The following LRRIQ1 variants were observed in gnomAD, a reference collection of about 807,000 sequenced individuals.
The protein encoded by LRRIQ1 is leucine-rich repeat- and IQ domain-containing protein 1.
A neutral mutation model predicts 211.9 loss-of-function variants in LRRIQ1; 210 were observed. That is an observed-to-expected ratio of 0.99 (90% CI 0.89 to 1.11). The LOEUF is 1.11. Ranked by LOEUF, LRRIQ1 falls within the 50% of genes most tolerant of loss-of-function variation. The pLI is 0.00. For synonymous variants in LRRIQ1, 699 were observed against 650.1 expected, an observed-to-expected ratio of 1.08 and a Z score of -1.14; for missense variants, 2,136 against 1,939.5, an observed-to-expected ratio of 1.10 and a Z score of -1.90.
chr12:85,194,740 C>A lies in LRRIQ1; in HGVS notation c.4822+34026C>A, dbSNP rs28883874. Among the ~76,000 whole-genome samples, 1,098 of 151,944 alleles carry A rather than the reference C, an allele frequency of 7.2e-3. 16 individuals carry two copies. The highest frequency in any genetic ancestry group is 0.025 in the African/African-American group (1,030 of 41,474). On this transcript the variant is annotated intron_variant, in intron 24 of 26. Transcript: ENST00000393217. ...AAGCAGGAAAGATCCAAAATTGACA[C>A]CCTAACATCACAATTGAAAGAACTA... is the stretch of plus-strand genomic sequence containing the variant.
rs183959173 is a variant in LRRIQ1 at position 85,123,261 on chromosome 12, A to C, written c.3558-809A>C. On this transcript the variant is annotated intron_variant, in intron 16 of 26. Coordinates refer to ENST00000393217, the MANE Select transcript of LRRIQ1 (RefSeq NM_001079910.2). ...TGTAACTTTCATTTTGTTTGATGTG[A>C]TTAACATTTTATTTTTTATATACTG... 3.2e-4 allele frequency among the ~76,000 whole-genome samples: 48 copies of C among 152,178 alleles called. No homozygotes were observed. The East Asian group carries it at 4.4e-3, about 14-fold the overall frequency.
chr12:85,192,996 A>AATT (rs535349639), intron 24 of LRRIQ1, among the ~76,000 whole-genome samples: 688 of 24,674 alleles, frequency 0.028, 21 homozygotes, highest in African/African-American at 0.15. Flanking sequence ...TATATAATAT[A>AATT]ATATATAAAT....
At chr12:85,137,804 G>T in intron 18 of LRRIQ1, 46 bp from the exon 19 acceptor site, 3 of 1,506,886 alleles carry the variant, frequency 2.0e-6, no homozygotes, top group Non-Finnish European at 2.7e-6. Flanking sequence ...TCTGGTTTAG[G>T]GTTTGATCTA....
chr12:85,054,212 C>T (rs1880699097), intron 7 of LRRIQ1, among the ~76,000 whole-genome samples: 1 of 152,136 alleles, frequency 6.6e-6, no homozygotes, highest in African/African-American at 2.4e-5. Flanking sequence ...ATAATCCCTA[C>T]TTTCAAATGC....
intron 1 of LRRIQ1, among the ~76,000 whole-genome samples, chr12:85,037,462 C>T (rs1318217434): frequency 6.6e-6 from 1 of 151,808 alleles, no homozygotes; most frequent in Admixed American, 6.6e-5. Context: ...TGCCCTGGTT[C>T]TGTCTGGAGT....
chr12:85,127,715 T>C, intron 17 of LRRIQ1, 117 bp from the exon 18 acceptor site: 1 of 806,548 alleles, frequency 1.2e-6, no homozygotes, highest in Non-Finnish European at 2.0e-6. Context: ...GGTCTTATTT[T>C]TAAATAATAC....
intron 19 of LRRIQ1, among the ~76,000 whole-genome samples, chr12:85,139,938 CAAAT>C (rs1429967483): frequency 1.3e-5 from 2 of 151,080 alleles, no homozygotes; most frequent in Admixed American, 1.3e-4. Context: ...CTTAAATGCT[CAAAT>C]AAATTGAACT....
intron 11 of LRRIQ1, among the ~76,000 whole-genome samples, chr12:85,075,858 CA>C (rs547104902): frequency 3.9e-4 from 56 of 142,616 alleles, no homozygotes; most frequent in East Asian, 6.1e-4. Context: ...GTCTCAAAAA[CA>C]AAAAAAAAAA....
intron 24 of LRRIQ1, among the ~76,000 whole-genome samples, chr12:85,192,836 T>TAGA (rs1472236308): frequency 9.6e-6 from 1 of 104,046 alleles, no homozygotes; most frequent in African/African-American, 3.9e-5. Flanking sequence ...AGTTATATAC[T>TAGA]ATAATTATAT....
chr12:85,051,229 A>C (rs1880273316), intron 6 of LRRIQ1, among the ~76,000 whole-genome samples: 1 of 151,486 alleles, frequency 6.6e-6, no homozygotes, highest in African/African-American at 2.4e-5. Flanking sequence ...CACTGGCTTC[A>C]TTTCTCTTCC....
chr12:85,155,220 T>C (rs1160749489), intron 23 of LRRIQ1, among the ~76,000 whole-genome samples: 1 of 151,560 alleles, frequency 6.6e-6, no homozygotes, highest in Non-Finnish European at 1.5e-5. Flanking sequence ...AACATTTTTA[T>C]TGAGTAGTAA....
chr12:85,063,708 C>T (rs752934180), intron 8 of LRRIQ1, among the ~76,000 whole-genome samples: 9 of 151,522 alleles, frequency 5.9e-5, no homozygotes, highest in Non-Finnish European at 1.2e-4. Context: ...CCATTCCAGC[C>T]TCTGGTAACC....
chr12:85,132,886 C>T (rs1400930647), intron 18 of LRRIQ1, among the ~76,000 whole-genome samples: 2 of 151,726 alleles, frequency 1.3e-5, no homozygotes, highest in East Asian at 3.9e-4. Context: ...ATGCACTAGT[C>T]ATCCAGACCA....
chr12:85,044,866 CTT>C (rs1350362919), intron 4 of LRRIQ1, 57 bp downstream of exon 4: 1 of 745,592 alleles, frequency 1.3e-6, no homozygotes, highest in African/African-American at 1.8e-5. Context: ...AATTTTCTCT[CTT>C]ACACAAGATT....
intron 1 of LRRIQ1, chr12:85,262,814 T>C (rs760152993): frequency 9.5e-6 from 5 of 527,984 alleles, no homozygotes; most frequent in Non-Finnish European, 1.2e-5. Context: ...GATCATAGAC[T>C]TTTCAACTGC....
intron 15 of LRRIQ1, among the ~76,000 whole-genome samples, chr12:85,112,398 A>G (rs1481847961): frequency 6.6e-6 from 1 of 151,402 alleles, no homozygotes; most frequent in Admixed American, 6.6e-5. Flanking sequence ...TACTTTTTAT[A>G]TTAATAGCAT....
chr12:85,236,319 G>C (rs766493027), intron 26 of LRRIQ1, among the ~76,000 whole-genome samples: 5 of 152,068 alleles, frequency 3.3e-5, no homozygotes, highest in African/African-American at 9.7e-5. Flanking sequence ...AGGTTAACAG[G>C]TATATGACTG....
chr12:85,074,983 A>G (rs575437267), intron 11 of LRRIQ1, among the ~76,000 whole-genome samples: 5 of 152,078 alleles, frequency 3.3e-5, no homozygotes, highest in African/African-American at 4.8e-5. Context: ...AAACTAAATT[A>G]ATTTTGAATA....
At chr12:85,097,038 C>G (rs1885938209) in intron 11 of LRRIQ1, among the ~76,000 whole-genome samples, 1 of 152,026 alleles carries the variant, frequency 6.6e-6, no homozygotes, top group East Asian at 1.9e-4. Context: ...TTACTTTGAG[C>G]CTATATGTTT....
Sources: gnomAD v4.1 joint callset for allele counts (sites outside exome capture counted in the v4.1 genomes callset) on GRCh38, gnomAD v4.1.1 for gene constraint, MANE v1.5 for transcripts, NCBI Gene and HGNC (gene_info 2026-07-23, HGNC 2026-07-21) for gene names.